GSG1L: variants seen among roughly 807,000 people sequenced by gnomAD.
GSG1L encodes GSG1 like, also known as germ cell-specific gene 1-like protein.
A neutral mutation model predicts 42.1 loss-of-function variants in GSG1L; 24 were observed. The observed-to-expected ratio is 0.57, with a 90% CI of 0.41 to 0.80. GSG1L has a LOEUF of 0.80. GSG1L is among the 30% of genes least tolerant of loss of function. The pLI is 0.00. For synonymous variants in GSG1L, 215 were observed against 203.5 expected (o/e 1.06, Z -0.48); for missense variants, 445 against 472.2 (o/e 0.94, Z 0.53).
intron 2 of GSG1L, among the ~76,000 whole-genome samples, chr16:27,908,898 ACCT>A (rs2084349566): frequency 1.3e-5 from 2 of 152,082 alleles, no homozygotes; most frequent in South Asian, 4.2e-4. Context: ...GGCTTCAGTA[ACCT>A]CCTCTTCCCA....
intron 6 of GSG1L, among the ~76,000 whole-genome samples, chr16:27,795,788 C>T (rs1440508881): frequency 1.3e-5 from 2 of 152,132 alleles, no homozygotes; most frequent in East Asian, 3.9e-4. Flanking sequence ...CTTTTAAATC[C>T]AGATATCAAA....
intron 2 of GSG1L, among the ~76,000 whole-genome samples, chr16:27,944,847 A>G (rs1476971272): frequency 6.6e-6 from 1 of 152,030 alleles, no homozygotes; most frequent in Non-Finnish European, 1.5e-5. Context: ...GTCCCAGGCA[A>G]GAGGATCACT....
intron 2 of GSG1L, among the ~76,000 whole-genome samples, chr16:27,926,008 T>C (rs2084588248): frequency 6.6e-6 from 1 of 152,132 alleles, no homozygotes; most frequent in East Asian, 1.9e-4. Context: ...ATGGTAAAAT[T>C]TGGGAAGCGT....
chr16:27,824,516 T>C (rs2083186553), intron 5 of GSG1L, among the ~76,000 whole-genome samples: 2 of 149,300 alleles, frequency 1.3e-5, no homozygotes, highest in Admixed American at 1.3e-4. Context: ...CAGACATCTA[T>C]GTGCTCTGAG....
chr16:27,962,570 A>T (rs1407393208), intron 2 of GSG1L, among the ~76,000 whole-genome samples: 1 of 152,192 alleles, frequency 6.6e-6, no homozygotes, highest in African/African-American at 2.4e-5. Flanking sequence ...GGTCACTATT[A>T]CTTGCAACTA....
intron 1 of GSG1L, among the ~76,000 whole-genome samples, chr16:28,060,703 G>A (rs1373416637): frequency 6.6e-6 from 1 of 152,036 alleles, no homozygotes. Flanking sequence ...AATCCCCTGT[G>A]AGCCTAAGTT....
chr16:27,836,114 A>G lies in GSG1L; in HGVS notation c.663-7158T>C, dbSNP rs368727102. On this transcript the variant is annotated intron_variant, in intron 4 of 6. Coordinates refer to ENST00000447459, the MANE Select transcript of GSG1L (RefSeq NM_001109763.2). ...TAAAGTATATTTTTGCCACGTATAG[A>G]ATTTTAAATTGATAGTTCTTTTCTT... is the stretch of plus-strand genomic sequence containing the variant. Among the ~76,000 whole-genome samples the G allele has an allele frequency of 1.2e-4, 18 of 152,218 alleles. No individual in the cohort carries two copies. In the East Asian group the frequency reaches 3.3e-3, roughly 28 times the overall value.
At chr16:27,959,680 C>T (rs1366891434) in intron 2 of GSG1L, among the ~76,000 whole-genome samples, 1 of 151,946 alleles carries the variant, frequency 6.6e-6, no homozygotes, top group Non-Finnish European at 1.5e-5. Flanking sequence ...CTACTCGGAG[C>T]CTAAGGCAGA....
intron 5 of GSG1L, among the ~76,000 whole-genome samples, chr16:27,809,852 C>G (rs1411502970): frequency 6.6e-6 from 1 of 152,140 alleles, no homozygotes; most frequent in African/African-American, 2.4e-5. Context: ...CAATCCTTTC[C>G]AAAACAAATG....
chr16:27,893,337 G>C (rs541994169), intron 2 of GSG1L, among the ~76,000 whole-genome samples: 1 of 152,104 alleles, frequency 6.6e-6, no homozygotes, highest in Non-Finnish European at 1.5e-5. Context: ...AGCTTCCAGG[G>C]CCAGATCCTT....
At chr16:27,898,143 G>C (rs2141039286) in intron 2 of GSG1L, among the ~76,000 whole-genome samples, 1 of 152,314 alleles carries the variant, frequency 6.6e-6, no homozygotes, top group Middle Eastern at 3.4e-3. Flanking sequence ...TCTGGGGACA[G>C]TTGCTGAGCC....
intron 4 of GSG1L, among the ~76,000 whole-genome samples, chr16:27,836,865 C>G (rs956614657): frequency 7.9e-5 from 12 of 152,078 alleles, no homozygotes; most frequent in African/African-American, 2.9e-4. Flanking sequence ...CTTGCTGGTT[C>G]TTGGCATGGT....
intron 2 of GSG1L, among the ~76,000 whole-genome samples, chr16:27,895,209 T>TA (rs1238255285): frequency 2.0e-5 from 3 of 152,096 alleles, no homozygotes; most frequent in Non-Finnish European, 2.9e-5. Flanking sequence ...GGCTTCACAT[T>TA]AAAAAAATCC....
In GSG1L at chr16:28,063,170, C is replaced by A; in HGVS notation, c.255G>T (p.Ala85=). The A allele has an allele frequency of 2.9e-6, 4 of 1,358,132 alleles. No homozygotes were observed. The highest frequency in any genetic ancestry group is 1.8e-5 in the South Asian group (1 of 56,962). 84.1% of individuals were successfully genotyped at this position (1,358,132 alleles called of 1,614,324 possible). The change falls in exon 1 of 7, where the codon GCG becomes GCT. Residue 85 remains alanine, a synonymous_variant. Coordinates refer to ENST00000447459, the MANE Select transcript of GSG1L (RefSeq NM_001109763.2). The surrounding 1 kb of genome is among the most constrained non-coding windows in gnomAD (Gnocchi z 5.8). The part of the protein sequence containing the change: ...TASGNGPPGG[A]LYSWETGDDR... Reference sequence around the variant, plus strand: ...CGTCGCCGGTCTCCCAGCTGTAGAGCGCGCCGCCAGGGGGGCCGTTCCCCG... The same window carrying A: ...CGTCGCCGGTCTCCCAGCTGTAGAGAGCGCCGCCAGGGGGGCCGTTCCCCG...
intron 3 of GSG1L, among the ~76,000 whole-genome samples, chr16:27,858,079 C>T (rs1390071002): frequency 6.6e-6 from 1 of 152,234 alleles, no homozygotes; most frequent in Non-Finnish European, 1.5e-5. Flanking sequence ...AAATGCAAAT[C>T]CAACTCTTCT....
chr16:27,934,861 C>T (rs945566294), intron 2 of GSG1L, among the ~76,000 whole-genome samples: 1 of 152,194 alleles, frequency 6.6e-6, no homozygotes, highest in Admixed American at 6.5e-5. Context: ...TAACACCTGG[C>T]TCAGAGCAGG....
At chr16:27,804,291 G>A (rs1489322045) in intron 6 of GSG1L, among the ~76,000 whole-genome samples, 1 of 152,058 alleles carries the variant, frequency 6.6e-6, no homozygotes, top group Non-Finnish European at 1.5e-5. Flanking sequence ...CTGGTCTCCT[G>A]GCTATTCCAC....
At chr16:27,815,335 A>G (rs1163182548) in intron 5 of GSG1L, among the ~76,000 whole-genome samples, 1 of 152,078 alleles carries the variant, frequency 6.6e-6, no homozygotes, top group Non-Finnish European at 1.5e-5. Context: ...TCCTTTGCTC[A>G]TTGTGTGATG....
chr16:27,947,585 G>GAA (rs879619702), intron 2 of GSG1L, among the ~76,000 whole-genome samples: 3 of 104,250 alleles, frequency 2.9e-5, no homozygotes, highest in African/African-American at 7.0e-5. Context: ...AAGAAAGAAA[G>GAA]AAAGAAAGAA....
Sources: gnomAD v4.1 joint callset for allele counts (sites outside exome capture counted in the v4.1 genomes callset) on GRCh38, gnomAD v4.1.1 for gene constraint, Gnocchi (gnomAD v3.1) non-coding constraint, MANE v1.5 for transcripts, NCBI Gene and HGNC (gene_info 2026-07-23, HGNC 2026-07-21) for gene names.